The following PTPRT variants were observed in gnomAD, a reference collection of about 807,000 sequenced individuals.
The protein encoded by PTPRT is protein tyrosine phosphatase receptor type T, also known as receptor-type tyrosine-protein phosphatase T.
PTPRT carries 56 observed loss-of-function variants against 176.8 expected under a neutral mutation model. That is an observed-to-expected ratio of 0.32 (90% confidence interval 0.26 to 0.40). The LOEUF (loss-of-function observed/expected upper bound fraction) is 0.40. Ranked by LOEUF, PTPRT falls within the 10% of genes least tolerant of loss-of-function variation. The pLI is 1.00. For missense variants in PTPRT, 1,540 were observed against 1,908.2 expected, an observed-to-expected ratio of 0.81 and a Z score of 3.60; for synonymous variants, 783 against 739.0, an observed-to-expected ratio of 1.06 and a Z score of -0.96.
intron 1 of PTPRT, among the ~76,000 whole-genome samples, chr20:43,154,748 A>C (rs997842225): frequency 3.3e-5 from 5 of 152,240 alleles, no homozygotes; most frequent in Admixed American, 2.0e-4. Flanking sequence ...GGAAACAATC[A>C]ACAGACTGAA....
At chr20:42,195,972 G>A (rs994051065) in intron 16 of PTPRT, among the ~76,000 whole-genome samples, 1 of 152,052 alleles carries the variant, frequency 6.6e-6, no homozygotes, top group African/African-American at 2.4e-5. Context: ...CTAAGTTTTG[G>A]CCCATAGCGA....
chr20:42,671,417 C>T (rs2075410552), intron 7 of PTPRT, among the ~76,000 whole-genome samples: 2 of 152,128 alleles, frequency 1.3e-5, no homozygotes, highest in Admixed American at 6.5e-5. Flanking sequence ...TTCTAAGACC[C>T]AACTCCTATC....
At chr20:42,190,133 C>A (rs1224441351) in intron 16 of PTPRT, among the ~76,000 whole-genome samples, 1 of 142,916 alleles carries the variant, frequency 7.0e-6, no homozygotes, top group Non-Finnish European at 1.5e-5. Flanking sequence ...TTGTAACATT[C>A]AATTCTTCTC....
chr20:42,161,234 C>G (rs73114470), intron 17 of PTPRT, 118 bp downstream of exon 17: 1 of 1,153,114 alleles, frequency 8.7e-7, no homozygotes, highest in African/African-American at 1.5e-5. Context: ...ATTTCCTACA[C>G]GCTCCCAGGT....
intron 27 of PTPRT, among the ~76,000 whole-genome samples, chr20:42,091,794 A>G (rs1984645624): frequency 6.7e-6 from 1 of 149,198 alleles, no homozygotes; most frequent in African/African-American, 2.6e-5. Context: ...GGAGAAAGAG[A>G]GGGAGAGAGA....
intron 6 of PTPRT, among the ~76,000 whole-genome samples, chr20:42,697,760 G>C (rs940580235): frequency 6.6e-6 from 1 of 152,230 alleles, no homozygotes; most frequent in Non-Finnish European, 1.5e-5. Flanking sequence ...GAATTTGAAA[G>C]CATGCTCTGC....
intron 1 of PTPRT, among the ~76,000 whole-genome samples, chr20:42,979,563 C>T (rs987187319): frequency 2.0e-5 from 3 of 152,004 alleles, no homozygotes; most frequent in African/African-American, 7.3e-5. Context: ...ACTGAAATAT[C>T]CTTAAGGTTT....
At chr20:42,185,390 A>G (rs1267765944) in intron 16 of PTPRT, among the ~76,000 whole-genome samples, 4 of 152,140 alleles carry the variant, frequency 2.6e-5, no homozygotes, top group Non-Finnish European at 2.9e-5. Context: ...TTCTCTTCCT[A>G]TTCCTATGAT....
chr20:42,375,957 C>T (rs551938912), intron 9 of PTPRT, among the ~76,000 whole-genome samples: 42 of 152,230 alleles, frequency 2.8e-4, no homozygotes, highest in African/African-American at 8.9e-4. Context: ...CAAACAACCA[C>T]CATAACCAAT....
At chr20:43,183,621 A>T (rs930819336) in intron 1 of PTPRT, among the ~76,000 whole-genome samples, 21 of 152,218 alleles carry the variant, frequency 1.4e-4, no homozygotes, top group African/African-American at 5.1e-4. Flanking sequence ...TCCAGTTTCC[A>T]AGTCAAGAAA....
intron 1 of PTPRT, among the ~76,000 whole-genome samples, chr20:42,931,092 G>A (rs1979818917): frequency 6.6e-6 from 1 of 152,146 alleles, no homozygotes; most frequent in Admixed American, 6.5e-5. Flanking sequence ...TCTCAGAACA[G>A]GAGTGGGGGT....
intron 9 of PTPRT, among the ~76,000 whole-genome samples, chr20:42,376,157 C>T (rs2058647002): frequency 6.6e-6 from 1 of 152,162 alleles, no homozygotes; most frequent in Non-Finnish European, 1.5e-5. Context: ...AAGATACGAG[C>T]TTGCCGGATG....
At chr20:42,167,855 C>T (rs994298584) in intron 16 of PTPRT, among the ~76,000 whole-genome samples, 2 of 152,206 alleles carry the variant, frequency 1.3e-5, no homozygotes, top group Admixed American at 6.5e-5. Context: ...CCTTGAATAA[C>T]ATGGAGGTTA....
intron 15 of PTPRT, among the ~76,000 whole-genome samples, chr20:42,200,349 T>C (rs938265846): frequency 6.6e-6 from 1 of 152,208 alleles, no homozygotes; most frequent in Non-Finnish European, 1.5e-5. Flanking sequence ...AATGAGACAA[T>C]GCATAAAATA....
intron 1 of PTPRT, among the ~76,000 whole-genome samples, chr20:43,160,858 G>A (rs541605244): frequency 1.3e-5 from 2 of 151,202 alleles, no homozygotes; most frequent in East Asian, 1.9e-4. Context: ...GTGGTTTCAC[G>A]AAACTCACCT....
At chr20:42,266,632 T>A (rs1407774819) in intron 13 of PTPRT, among the ~76,000 whole-genome samples, 3 of 152,218 alleles carry the variant, frequency 2.0e-5, no homozygotes, top group Admixed American at 6.5e-5. Flanking sequence ...ACCCACTAGG[T>A]GACTATAGCC....
chr20:42,617,726 T>G (rs983636676), intron 7 of PTPRT, among the ~76,000 whole-genome samples: 2 of 139,740 alleles, frequency 1.4e-5, no homozygotes, highest in Non-Finnish European at 3.0e-5. Context: ...TTTATTTGCG[T>G]AGAGGTGTTT....
At chr20:42,723,138 G>A (rs566649783) in intron 6 of PTPRT, among the ~76,000 whole-genome samples, 1 of 152,308 alleles carries the variant, frequency 6.6e-6, no homozygotes, top group African/African-American at 2.4e-5. Flanking sequence ...ATAAGTAAAT[G>A]TATATAGAGT....
At chr20:42,118,034 T>C (rs1331014185) in intron 21 of PTPRT, among the ~76,000 whole-genome samples, 1 of 152,178 alleles carries the variant, frequency 6.6e-6, no homozygotes, top group African/African-American at 2.4e-5. Flanking sequence ...TTCGACCATT[T>C]GGGTCAACAA....
Sources: gnomAD v4.1 joint callset for allele counts (sites outside exome capture counted in the v4.1 genomes callset) on GRCh38, gnomAD v4.1.1 for gene constraint, MANE v1.5 for transcripts, NCBI Gene and HGNC (gene_info 2026-07-23, HGNC 2026-07-21) for gene names.